Variants in PKMYT1 observed in about 807,000 individuals in gnomAD.
PKMYT1 encodes the protein protein kinase, membrane associated tyrosine/threonine 1.
Under a neutral mutation model 49.7 loss-of-function variants are expected in PKMYT1, and 35 were observed. That is an observed-to-expected ratio of 0.70 (90% CI 0.54 to 0.93). The LOEUF (loss-of-function observed/expected upper bound fraction) is 0.93. PKMYT1 is among the 40% of genes least tolerant of loss of function. The probability of loss-of-function intolerance (pLI) is 0.00; values close to 1 mark genes in which losing one functional copy is unlikely to be tolerated. For missense variants in PKMYT1, 677 were observed against 673.1 expected (o/e 1.01, Z -0.06); for synonymous variants, 331 against 287.6 (o/e 1.15, Z -1.53).
At chr16:2,977,527 G>C (rs1464589785) in intron 2 of PKMYT1, 8 of 987,328 alleles carry the variant, frequency 8.1e-6, no homozygotes, top group Non-Finnish European at 8.4e-6. Flanking sequence ...GAATGGCAGT[G>C]TGTGCAGCTC....
chr16:2,976,724 G>A lies in PKMYT1; in HGVS notation c.318C>T (p.Phe106=). Residue 106 remains phenylalanine, a synonymous_variant, in exon 3 of 9, where the codon TTC becomes TTT. Coordinates refer to ENST00000262300, the MANE Select transcript of PKMYT1 (RefSeq NM_004203.5). ...GGCTGAGCCTCTGGAAGCTCTGCTG[G>A]AAGAAGGACTCTGGCCGGCTTGGGT... is the stretch of plus-strand genomic sequence containing the variant. ...GYDPSRPESF[F]QQSFQRLSRL... is the part of the protein sequence containing the mutation. 2 of 1,498,046 alleles carry A rather than the reference G, an allele frequency of 1.3e-6. No individual in the cohort carries two copies. The highest frequency in any genetic ancestry group is 1.8e-6 in the Non-Finnish European group (2 of 1,121,182). The allele number at this position is 1,498,046 out of a possible 1,614,324, so 92.8% of individuals were successfully genotyped here.
intron 7 of PKMYT1, chr16:2,973,636 C>CA: frequency 2.2e-6 from 1 of 449,298 alleles, no homozygotes; most frequent in Admixed American, 3.7e-5. Context: ...CACCAGGCCC[C>CA]AGGGACCAAG....
intron 7 of PKMYT1, chr16:2,973,604 A>G (rs886427): frequency 0.4 from 202,229 of 506,116 alleles, 42,290 homozygotes; most frequent in African/African-American, 0.5. Context: ...GTGGTTTCCT[A>G]ATTACAGCCT....
At chr16:2,978,875 C>T (rs1258395861) in intron 2 of PKMYT1, among the ~76,000 whole-genome samples, 3 of 151,312 alleles carry the variant, frequency 2.0e-5, no homozygotes, top group African/African-American at 4.8e-5. Context: ...GGTATGATCT[C>T]GGCCCACTGC....
At chr16:2,973,893 G>T in intron 7 of PKMYT1, 107 bp downstream of exon 7, 1 of 1,255,916 alleles carries the variant, frequency 8.0e-7, no homozygotes. Context: ...GGATGTGATG[G>T]GGGCCAGGTT....
intron 2 of PKMYT1, among the ~76,000 whole-genome samples, chr16:2,977,885 T>G (rs4149772): frequency 2.0e-5 from 3 of 152,162 alleles, no homozygotes; most frequent in African/African-American, 7.2e-5. Flanking sequence ...GAGGCTAAAT[T>G]CCAGCTGAGT....
chr16:2,973,733 G>A, intron 7 of PKMYT1: 5 of 558,934 alleles, frequency 8.9e-6, no homozygotes, highest in South Asian at 8.4e-5. Flanking sequence ...GGCACTGGCA[G>A]CCTCCACTGG....
At chr16:2,978,421 C>T (rs774982026) in intron 2 of PKMYT1, among the ~76,000 whole-genome samples, 1 of 152,114 alleles carries the variant, frequency 6.6e-6, no homozygotes, top group African/African-American at 2.4e-5. Context: ...ACCTCACTGA[C>T]CTCAAAAGCC....
At chr16:2,973,442 T>A (rs1462997879) in intron 7 of PKMYT1, 1 of 1,527,738 alleles carries the variant, frequency 6.5e-7, no homozygotes, top group African/African-American at 1.4e-5. Flanking sequence ...TCAGAACACA[T>A]GGACTTGGAG....
In PKMYT1 at chr16:2,979,682, G is replaced by GT; in HGVS notation, c.-26dup. 1 of 1,613,896 alleles carries GT rather than the reference G, an allele frequency of 6.2e-7. No individual in the cohort carries two copies. Among genetic ancestry groups the GT allele is most frequent in the Non-Finnish European group, 8.5e-7 (1 of 1,179,872 alleles). ...TGACTGGCCTGGCCCAACAGCCTCA[G>GT]TGGTGGGACGGGGGAGGCAGGAGCA... On this transcript the variant is annotated 5_prime_UTR_variant, in exon 2 of 9. Coordinates refer to ENST00000262300, the MANE Select transcript of PKMYT1 (RefSeq NM_004203.5).
chr16:2,977,368 C>CTGTTT, intron 2 of PKMYT1: 1 of 1,075,412 alleles, frequency 9.3e-7, no homozygotes, highest in Admixed American at 4.8e-5. Context: ...ACGGCCAGCT[C>CTGTTT]TTTGATCCTA....
rs768440871 is a variant in PKMYT1 at position 2,974,148 on chromosome 16, C to A, written c.1162G>T (p.Ala388Ser). 1.2e-6 allele frequency: 2 copies of A among 1,600,466 alleles called. No individual in the cohort carries two copies. Among genetic ancestry groups the A allele is most frequent in the Non-Finnish European group, 8.5e-7 (1 of 1,173,848 alleles). Residue 388 changes from alanine to serine, a missense_variant, in exon 7 of 9, where the codon GCC becomes TCC. Coordinates refer to ENST00000262300, the MANE Select transcript of PKMYT1 (RefSeq NM_004203.5). ...CCATGCCAGAGCCAGCAGAGCAGGG[C>A]AAGCAGGGCCTGTGGGGGAGAGGAG... is the stretch of plus-strand genomic sequence containing the variant. ...RGWALWQALL[A>S]LLCWLWHGLA...
At chr16:2,978,692 G>A (rs918162010) in intron 2 of PKMYT1, among the ~76,000 whole-genome samples, 4 of 150,484 alleles carry the variant, frequency 2.7e-5, no homozygotes, top group African/African-American at 9.8e-5. Flanking sequence ...AGATTACAGT[G>A]AGCCAAGATC....
chr16:2,977,367 T>A lies in PKMYT1; in HGVS notation c.11-336A>T, dbSNP rs117021784. On this transcript the variant is annotated intron_variant, in intron 2 of 8. Coordinates refer to ENST00000262300, the MANE Select transcript of PKMYT1 (RefSeq NM_004203.5). Reference sequence around the variant, plus strand: ...CATCCCTGCCCTCATCACGGCCAGCTCTTTGATCCTAAACTACACAACCTC... The same window carrying A: ...CATCCCTGCCCTCATCACGGCCAGCACTTTGATCCTAAACTACACAACCTC... 7.2e-4 allele frequency: 766 copies of A among 1,063,956 alleles called. 8 individuals are homozygous for A. The East Asian group carries it at 0.027, about 38-fold the overall frequency. The allele number at this position is 1,063,956 out of a possible 1,614,324, so 65.9% of individuals were successfully genotyped here.
In PKMYT1 at chr16:2,973,222, G is replaced by A; in HGVS notation, c.1311-7C>T. The A allele has an allele frequency of 6.7e-7, 1 of 1,489,366 alleles. No individual in the cohort carries two copies. Among genetic ancestry groups the A allele is most frequent in the Non-Finnish European group, 9.0e-7 (1 of 1,115,940 alleles). The allele number at this position is 1,489,366 out of a possible 1,614,324, so 92.3% of individuals were successfully genotyped here. A position where few individuals can be genotyped will look rare whatever the true frequency, so the allele number is the denominator to read the frequency against. On this transcript the variant is annotated splice_polypyrimidine_tract_variant and splice_region_variant and intron_variant, in intron 7 of 8. Transcript: ENST00000262300. ...CTCAGGGGAGAGTGAAGGCCTGCAG[G>A]AGGGCAGGCGAGACAAGGAGGGTGT...
chr16:2,976,559 G>A (rs113425099), intron 3 of PKMYT1, 105 bp downstream of exon 3: 12 of 1,147,080 alleles, frequency 1.0e-5, no homozygotes, highest in African/African-American at 7.9e-5. Flanking sequence ...CAGGCTGTAG[G>A]GAACGGAAGG....
At position 2,975,460 on chromosome 16, in the gene PKMYT1, C is replaced by T. The variant is rs760981093; in HGVS notation, c.731G>A (p.Arg244Gln). 30 of 1,613,046 alleles carry T rather than the reference C, an allele frequency of 1.9e-5. No individual in the cohort carries two copies. Among genetic ancestry groups the T allele is most frequent in the South Asian group, 1.6e-4 (15 of 91,096 alleles). ...GAAGTCACCCAGCTTGCAGCGGCCC[C>T]GGGGCCCCAGGAAGATGTTGGCAGG... is the stretch of plus-strand genomic sequence containing the variant. ...VKPANIFLGP[R>Q]GRCKLGDFGL... is the part of the protein sequence containing the mutation. The change falls in exon 4 of 9, where the codon CGG becomes CAG. Residue 244 changes from arginine to glutamine, a missense_variant. Physicochemically the swap from Arg to Gln is conservative, Grantham distance 43 (BLOSUM62 1). Coordinates refer to ENST00000262300, the MANE Select transcript of PKMYT1 (RefSeq NM_004203.5).
In PKMYT1 at chr16:2,975,302, C is replaced by T. The variant is rs572311946; in HGVS notation, c.872+17G>A. On this transcript the variant is annotated intron_variant, in intron 4 of 8. Coordinates refer to ENST00000262300, the MANE Select transcript of PKMYT1 (RefSeq NM_004203.5). ...CTCCCACAGCCTGCCAAACACCTGGCGTGCCCCGGTCCCCACCTGAACACA... is the reference window on the plus strand; with the variant it reads ...CTCCCACAGCCTGCCAAACACCTGGTGTGCCCCGGTCCCCACCTGAACACA... 65 of 1,590,286 alleles carry T rather than the reference C, an allele frequency of 4.1e-5. No individual in the cohort carries two copies. The highest frequency in any genetic ancestry group is 1.4e-4 in the Admixed American group (8 of 58,772).
At position 2,974,351 on chromosome 16, in the gene PKMYT1, G is replaced by A. The variant is rs1158419991; in HGVS notation, c.1046C>T (p.Thr349Met). The part of the protein sequence containing the change: ...MLEPDPKLRA[T>M]AEALLALPVL... The stretch of plus-strand genomic sequence containing the variant: ...AGGCAGTGCCAGCAGGGCCTCGGCC[G>A]TGGCCCGCAGCTTGGGGTCTGGCTC... Residue 349 changes from threonine (T) to methionine (M), a missense_variant, in exon 6 of 9, where the codon ACG becomes ATG. Physicochemically the swap from Thr to Met is moderately conservative, Grantham distance 81. Coordinates refer to ENST00000262300, the MANE Select transcript of PKMYT1 (RefSeq NM_004203.5). 18 of 1,609,970 alleles carry A rather than the reference G, an allele frequency of 1.1e-5. No homozygotes were observed. The highest frequency in any genetic ancestry group is 5.3e-5 in the African/African-American group (4 of 74,886).
Sources: gnomAD v4.1 joint callset for allele counts (sites outside exome capture counted in the v4.1 genomes callset) on GRCh38, gnomAD v4.1.1 for gene constraint, MANE v1.5 for transcripts, NCBI Gene and HGNC (gene_info 2026-07-23, HGNC 2026-07-21) for gene names.